The following PARP11 variants were observed in gnomAD, a reference collection of about 807,000 sequenced individuals.
PARP11 encodes the protein protein mono-ADP-ribosyltransferase PARP11.
A neutral mutation model predicts 42.9 loss-of-function variants in PARP11; 31 were observed. The observed-to-expected ratio is 0.72, with a 90% confidence interval of 0.54 to 0.98. PARP11 has a LOEUF of 0.98. Among genes scored for constraint, PARP11 ranks in the 50% least tolerant of loss-of-function variants. The pLI is 0.00. For synonymous variants in PARP11, 137 were observed against 127.3 expected, an observed-to-expected ratio of 1.08 and a Z score of -0.51; for missense variants, 365 against 413.1, an observed-to-expected ratio of 0.88 and a Z score of 1.01.
intron 1 of PARP11, chr12:3,842,635 T>G: frequency 1.4e-6 from 1 of 695,086 alleles, no homozygotes; most frequent in Non-Finnish European, 2.5e-6. Flanking sequence ...CCCAGCCTCC[T>G]TACCTTCCCT....
At chr12:3,818,265 C>T (rs549218007) in intron 6 of PARP11, among the ~76,000 whole-genome samples, 2 of 152,294 alleles carry the variant, frequency 1.3e-5, no homozygotes, top group East Asian at 1.9e-4. Context: ...ACTTCATTCG[C>T]TGTAGGTGAC....
intron 1 of PARP11, chr12:3,841,146 G>C (rs1947880588): frequency 6.2e-7 from 1 of 1,605,308 alleles, no homozygotes; most frequent in Admixed American, 1.7e-5. Context: ...CTCAGACATT[G>C]AGCCTTTATC....
At chr12:3,838,492 A>G (rs1348187669) in intron 1 of PARP11, among the ~76,000 whole-genome samples, 1 of 152,216 alleles carries the variant, frequency 6.6e-6, no homozygotes, top group African/African-American at 2.4e-5. Context: ...AGCTGTATCA[A>G]AAAAGTACAC....
chr12:3,810,807 G>C lies in PARP11; in HGVS notation c.*1316C>G, dbSNP rs1274402892. On this transcript the variant is annotated 3_prime_UTR_variant, in exon 8 of 8. Transcript: ENST00000228820. ...AGAAGAGGAAGAGGAAGACAGAAGA[G>C]AAGAGAAAGAAGAGAAGAGAAAGAG... The C allele has an allele frequency of 1.3e-5, 2 of 151,758 alleles. No homozygotes were observed. Among genetic ancestry groups the C allele is most frequent in the Non-Finnish European group, 2.9e-5 (2 of 68,086 alleles). The allele number at this position is 151,758 out of a possible 1,614,324, so 9.4% of individuals were successfully genotyped here.
At chr12:3,826,987 G>T (rs1947540512) in intron 3 of PARP11, among the ~76,000 whole-genome samples, 1 of 152,144 alleles carries the variant, frequency 6.6e-6, no homozygotes, top group South Asian at 2.1e-4. Context: ...ACCCACCCAG[G>T]CTAAGGCTAG....
chr12:3,838,878 T>A (rs1490896525), intron 1 of PARP11, among the ~76,000 whole-genome samples: 2 of 152,166 alleles, frequency 1.3e-5, no homozygotes, highest in Admixed American at 6.5e-5. Flanking sequence ...CCGCTTCACC[T>A]GAGCCGGCCC....
chr12:3,841,462 A>G, intron 1 of PARP11: 2 of 1,399,178 alleles, frequency 1.4e-6, no homozygotes, highest in Non-Finnish European at 2.0e-6. Context: ...TTGTACCTGT[A>G]CTGATGCCCA....
intron 1 of PARP11, among the ~76,000 whole-genome samples, chr12:3,866,451 G>A (rs1470521022): frequency 2.6e-5 from 4 of 152,080 alleles, no homozygotes; most frequent in Non-Finnish European, 1.5e-5. Flanking sequence ...ATTTTCAGGG[G>A]CAAAGTAATG....
intron 1 of PARP11, among the ~76,000 whole-genome samples, chr12:3,851,689 C>G (rs1948097519): frequency 6.6e-6 from 1 of 152,228 alleles, no homozygotes; most frequent in Non-Finnish European, 1.5e-5. Context: ...CAGGGCATAG[C>G]TGAACAAAAG....
rs1445335350 is a variant in PARP11, at chr12:3,809,736, T to C, written c.*2387A>G. The C allele has an allele frequency of 6.6e-6, 1 of 152,240 alleles. No individual in the cohort carries two copies. The highest frequency in any genetic ancestry group is 6.5e-5 in the Admixed American group (1 of 15,286). 9.4% of individuals were successfully genotyped at this position (152,240 alleles called of 1,614,324 possible). ...AAAAGATTTTCAAAACCTGAATTCC[T>C]AATGTCTCTAACATTGTTTTTTGTG... is the stretch of plus-strand genomic sequence containing the variant. On this transcript the variant is annotated 3_prime_UTR_variant, in exon 8 of 8. Transcript: ENST00000228820.
intron 6 of PARP11, among the ~76,000 whole-genome samples, chr12:3,818,507 A>G (rs1233573468): frequency 6.6e-6 from 1 of 152,156 alleles, no homozygotes; most frequent in Non-Finnish European, 1.5e-5. Flanking sequence ...CTCCTTCTCC[A>G]TAGGTCCTTT....
At chr12:3,843,408 GAAGA>G (rs1168723973) in intron 1 of PARP11, among the ~76,000 whole-genome samples, 3 of 152,214 alleles carry the variant, frequency 2.0e-5, no homozygotes, top group Non-Finnish European at 4.4e-5. Context: ...TATTTTGTGA[GAAGA>G]AATGTTAAAA....
chr12:3,813,895 G>A (rs2231381), intron 7 of PARP11, 142 bp downstream of exon 7: 62,640 of 544,512 alleles, frequency 0.12, 3,901 homozygotes, highest in African/African-American at 0.14. Flanking sequence ...ATCTATTCTC[G>A]TACACAATGC....
Position 3,826,240 on chromosome 12 carries a change from A to G in PARP11, c.269-7T>C. On this transcript the variant is annotated splice_polypyrimidine_tract_variant and splice_region_variant and intron_variant, in intron 3 of 7. Coordinates refer to ENST00000228820, the MANE Select transcript of PARP11 (RefSeq NM_020367.6). ...AGATTCATTTGCTTCATTTCTGTAT[A>G]CAAAGACAAGATATTAGATAAGTCA... 6.3e-7 allele frequency: 1 copy of G among 1,575,494 alleles called. No individual in the cohort carries two copies. The highest frequency in any genetic ancestry group is 8.6e-7 in the Non-Finnish European group (1 of 1,165,196).
rs376342419 is a variant in PARP11, at chr12:3,813,127, C to G, written c.701-688G>C. Among the ~76,000 whole-genome samples, 20 of 152,126 alleles carry G rather than the reference C, an allele frequency of 1.3e-4. No individual in the cohort carries two copies. The East Asian group carries it at 2.7e-3, about 21-fold the overall frequency. On this transcript the variant is annotated intron_variant, in intron 7 of 7. Coordinates refer to ENST00000228820, the MANE Select transcript of PARP11 (RefSeq NM_020367.6). ...GCCCTGAGTTTTACTGCTTGGCCCT[C>G]CCTCCCGTTTCTATTTCCTTTCACC...
intron 1 of PARP11, among the ~76,000 whole-genome samples, chr12:3,853,396 C>T (rs1948133526): frequency 6.6e-6 from 1 of 152,098 alleles, no homozygotes; most frequent in African/African-American, 2.4e-5. Flanking sequence ...ACCCATCTCA[C>T]GTGCAGAGAC....
At position 3,839,977 on chromosome 12, in the gene PARP11, T is replaced by C. The variant is rs149705634; in HGVS notation, c.19-9959A>G. 24 of 1,481,268 alleles carry C rather than the reference T, an allele frequency of 1.6e-5. No homozygotes were observed. The Middle Eastern group carries it at 8.5e-4, about 53-fold the overall frequency. 91.8% of individuals were successfully genotyped at this position (1,481,268 alleles called of 1,614,324 possible). A position where few individuals can be genotyped will look rare whatever the true frequency, so the allele number is the denominator to read the frequency against. Reference sequence around the variant, plus strand: ...TGCTGATGTGAATGGATTTAAACCTTTGTCAGGCAACGAGCAGCTGAAGAA... The same window carrying C: ...TGCTGATGTGAATGGATTTAAACCTCTGTCAGGCAACGAGCAGCTGAAGAA... On this transcript the variant is annotated intron_variant, in intron 1 of 7. Coordinates refer to ENST00000228820, the MANE Select transcript of PARP11 (RefSeq NM_020367.6).
intron 1 of PARP11, among the ~76,000 whole-genome samples, chr12:3,843,094 C>T (rs1947927740): frequency 6.6e-6 from 1 of 152,172 alleles, no homozygotes; most frequent in African/African-American, 2.4e-5. Flanking sequence ...TGAATAATGT[C>T]TTCTCTTTAA....
At chr12:3,851,475 C>T (rs1407882386) in intron 1 of PARP11, among the ~76,000 whole-genome samples, 4 of 152,238 alleles carry the variant, frequency 2.6e-5, no homozygotes, top group Non-Finnish European at 4.4e-5. Flanking sequence ...CCTGGCTCAG[C>T]GGGTCCCATG....
Sources: allele counts gnomAD v4.1 joint callset (sites outside exome capture counted in the v4.1 genomes callset), GRCh38; gene constraint gnomAD v4.1.1; transcripts MANE v1.5; gene names NCBI Gene and HGNC (gene_info 2026-07-23, HGNC 2026-07-21).